FREM2: variants seen among roughly 807,000 people sequenced by gnomAD.
The protein encoded by FREM2 is FRAS1 related extracellular matrix 2.
Under a neutral mutation model 219.9 loss-of-function variants are expected in FREM2, and 119 were observed. The ratio of observed to expected loss-of-function variants is 0.54; its 90% CI spans 0.47 to 0.63. The LOEUF is 0.63. Among genes scored for constraint, FREM2 ranks in the 30% least tolerant of loss-of-function variants. FREM2 has a pLI of 0.00. For missense variants in FREM2, 4,030 were observed against 3,993.6 expected (o/e 1.01, Z -0.25); for synonymous variants, 1,562 against 1,522.8 (o/e 1.03, Z -0.60).
intron 6 of FREM2, among the ~76,000 whole-genome samples, chr13:38,820,210 G>A (rs563623400): frequency 3.9e-5 from 6 of 152,154 alleles, no homozygotes; most frequent in Non-Finnish European, 7.4e-5. Context: ...CAAATGACCC[G>A]GTGAAAATGG....
rs1476566973 is a variant in FREM2, at chr13:38,848,591, G to C, written c.6300G>C (p.Leu2100=). The change falls in exon 8 of 24, where the codon CTG becomes CTC. Residue 2100 remains leucine (L), a synonymous_variant. Transcript: ENST00000280481. ...PALEGIEKFE[L]VLRMPMNAAL... ...TGGAGGGAATTGAGAAATTTGAACT[G>C]GTGCTTCGCATGCCTATGAACGCAG... 2 of 1,613,898 alleles carry C rather than the reference G, an allele frequency of 1.2e-6. No individual in the cohort carries two copies. Among genetic ancestry groups the C allele is most frequent in the African/African-American group, 2.7e-5 (2 of 74,908 alleles).
chr13:38,759,760 GTTAT>G (rs1387911188), intron 2 of FREM2, among the ~76,000 whole-genome samples: 1 of 152,172 alleles, frequency 6.6e-6, no homozygotes, highest in Non-Finnish European at 1.5e-5. Context: ...AGTTTTTAAC[GTTAT>G]TTAACTTCAT....
At chr13:38,707,003 G>A (rs112655436) in intron 2 of FREM2, among the ~76,000 whole-genome samples, 3 of 152,110 alleles carry the variant, frequency 2.0e-5, no homozygotes, top group Non-Finnish European at 4.4e-5. Context: ...CATTTTCTAA[G>A]AGCAAAAATA....
intron 16 of FREM2, among the ~76,000 whole-genome samples, chr13:38,866,069 A>G (rs778229343): frequency 2.0e-5 from 3 of 152,152 alleles, no homozygotes; most frequent in Non-Finnish European, 4.4e-5. Flanking sequence ...CCTTCAATCC[A>G]TTACTAAATT....
chr13:38,824,167 G>C (rs1876180359), intron 6 of FREM2, among the ~76,000 whole-genome samples: 1 of 152,070 alleles, frequency 6.6e-6, no homozygotes, highest in South Asian at 2.1e-4. Context: ...ATGATTTTAT[G>C]TAGAGAAGAA....
intron 2 of FREM2, among the ~76,000 whole-genome samples, chr13:38,732,586 G>A (rs74048127): frequency 0.011 from 1,705 of 152,280 alleles, 26 homozygotes; most frequent in African/African-American, 0.039. Context: ...AAAGCCGGGG[G>A]AACTGACAAA....
chr13:38,771,607 A>G lies in FREM2; in HGVS notation c.5641+1799A>G, dbSNP rs192143181. Among the ~76,000 whole-genome samples, 310 of 152,304 alleles carry G rather than the reference A, an allele frequency of 2.0e-3. 1 individual carries two copies. The highest frequency in any genetic ancestry group is 7.2e-3 in the African/African-American group (299 of 41,580). Reference sequence around the variant, plus strand: ...ATATAATCTTTTCTTAGTGTAGGCTATACCAAATGAAACTTTGCCATAATT... The same window carrying G: ...ATATAATCTTTTCTTAGTGTAGGCTGTACCAAATGAAACTTTGCCATAATT... On this transcript the variant is annotated intron_variant, in intron 4 of 23. Transcript: ENST00000280481.
chr13:38,850,028 G>A lies in FREM2; in HGVS notation c.6380-10G>A. The A allele has an allele frequency of 2.5e-6, 4 of 1,611,504 alleles. No individual in the cohort carries two copies. The highest frequency in any genetic ancestry group is 3.4e-6 in the Non-Finnish European group (4 of 1,177,812). The stretch of plus-strand genomic sequence containing the variant: ...AAATTTCTGTTCACTTTAATCCTTT[G>A]TTTTTGCAGTGCCTAAGATGCAATT... On this transcript the variant is annotated splice_polypyrimidine_tract_variant and intron_variant, in intron 8 of 23. Transcript: ENST00000280481.
intron 2 of FREM2, among the ~76,000 whole-genome samples, chr13:38,713,836 A>G (rs891671446): frequency 7.9e-5 from 12 of 152,184 alleles, no homozygotes; most frequent in African/African-American, 2.7e-4. Context: ...GTCCCTTCCC[A>G]GATATTTGAC....
intron 4 of FREM2, among the ~76,000 whole-genome samples, chr13:38,777,353 C>A (rs539120677): frequency 6.6e-6 from 1 of 152,226 alleles, no homozygotes; most frequent in South Asian, 2.1e-4. Context: ...GTAAGTGATG[C>A]TCCCACTCCT....
At chr13:38,843,794 C>T (rs1335852257) in intron 6 of FREM2, among the ~76,000 whole-genome samples, 2 of 151,974 alleles carry the variant, frequency 1.3e-5, no homozygotes, top group African/African-American at 4.8e-5. Flanking sequence ...ATAATCATTA[C>T]TTCTTTTTAG....
At position 38,872,860 on chromosome 13, in the gene FREM2, G is replaced by C. The variant is rs768911120; in HGVS notation, c.8102G>C (p.Arg2701Pro). Residue 2701 changes from arginine to proline, a missense_variant, in exon 17 of 24, where the codon CGT (arginine) becomes CCT (proline). Transcript: ENST00000280481. ...WQHFDLKSEL[R>P]LTFVYDTAIL... ...CATTTTGACTTGAAGTCAGAGCTTC[G>C]TCTAACTTTTGTGTACGACACCGCC... 6.2e-7 allele frequency: 1 copy of C among 1,614,020 alleles called. No individual in the cohort carries two copies. The highest frequency in any genetic ancestry group is 2.2e-5 in the East Asian group (1 of 44,876).
rs139804851 is a variant in FREM2, at chr13:38,688,924, C to T, written c.1580C>T (p.Ser527Leu). 2.3e-4 allele frequency: 363 copies of T among 1,612,474 alleles called. 2 individuals carry two copies. The African/African-American group carries it at 2.6e-3, about 12-fold the overall frequency. The change falls in exon 1 of 24, where the codon TCG (serine) becomes TTG (leucine). Residue 527 changes from serine to leucine, a missense_variant. Coordinates refer to ENST00000280481, the MANE Select transcript of FREM2 (RefSeq NM_207361.6). The part of the protein sequence containing the change: ...VVYQHDDRDG[S>L]LSDNLVLRMV... ...TACCAGCATGATGACAGAGACGGCTCGCTGAGCGACAACCTGGTGCTTCGC... is the reference window on the plus strand; with the variant it reads ...TACCAGCATGATGACAGAGACGGCTTGCTGAGCGACAACCTGGTGCTTCGC...
intron 2 of FREM2, among the ~76,000 whole-genome samples, chr13:38,744,280 A>G (rs1379201606): frequency 7.9e-6 from 1 of 127,278 alleles, no homozygotes; most frequent in East Asian, 2.4e-4. Flanking sequence ...GTGGGCTCAT[A>G]GTTCTCAGCA....
At chr13:38,863,650 A>G (rs1013199961) in intron 15 of FREM2, among the ~76,000 whole-genome samples, 2 of 152,150 alleles carry the variant, frequency 1.3e-5, no homozygotes, top group African/African-American at 2.4e-5. Flanking sequence ...TCTGCATTCA[A>G]TCTGTTGCAA....
Position 38,803,110 on chromosome 13 carries a change from G to A in FREM2, c.6019+18302G>A, listed in dbSNP as rs532086850. Among the ~76,000 whole-genome samples, 202 of 152,270 alleles carry A rather than the reference G, an allele frequency of 1.3e-3. 1 individual carries two copies. Among genetic ancestry groups the A allele is most frequent in the South Asian group, 0.013 (64 of 4,828 alleles). ...GGCATGTACTAGCTGCATCTAGTCAGCCCTCTTGAACTCTGGACCTCCTTA... is the reference window on the plus strand; with the variant it reads ...GGCATGTACTAGCTGCATCTAGTCAACCCTCTTGAACTCTGGACCTCCTTA... On this transcript the variant is annotated intron_variant, in intron 6 of 23. Coordinates refer to ENST00000280481, the MANE Select transcript of FREM2 (RefSeq NM_207361.6).
intron 2 of FREM2, among the ~76,000 whole-genome samples, chr13:38,713,000 C>G (rs1198017629): frequency 6.6e-6 from 1 of 152,156 alleles, no homozygotes; most frequent in Non-Finnish European, 1.5e-5. Flanking sequence ...TCTCCTCCCC[C>G]ATCCTCTGTC....
intron 7 of FREM2, among the ~76,000 whole-genome samples, chr13:38,847,283 G>T (rs1433338066): frequency 6.7e-6 from 1 of 149,240 alleles, no homozygotes; most frequent in African/African-American, 2.6e-5. Context: ...AGCAAGCATA[G>T]AATTCAAAAT....
In FREM2 at chr13:38,859,309, A is replaced by G. The variant is rs767139265; in HGVS notation, c.7238A>G (p.Asp2413Gly). 1 of 1,614,218 alleles carries G rather than the reference A, an allele frequency of 6.2e-7. No homozygotes were observed. Among genetic ancestry groups the G allele is most frequent in the Admixed American group, 1.7e-5 (1 of 60,030 alleles). Residue 2413 changes from aspartate to glycine, a missense_variant, in exon 14 of 24, where the codon GAC becomes GGC. Around this residue, in one of 2 missense-constraint regions of FREM2, gnomAD observed 928 missense variants for 1,042.9 expected, o/e 0.89. Coordinates refer to ENST00000280481, the MANE Select transcript of FREM2 (RefSeq NM_207361.6). ...CITACNPKYS[D>G]YDKTGSICAS... ...TAGGCTTGCAACCCCAAATATTCAGACTACGATAAAACAGGCTCTATCTGT... is the reference window on the plus strand; with the variant it reads ...TAGGCTTGCAACCCCAAATATTCAGGCTACGATAAAACAGGCTCTATCTGT...
Sources: allele counts gnomAD v4.1 joint callset (sites outside exome capture counted in the v4.1 genomes callset), GRCh38; gene constraint gnomAD v4.1.1; regional missense constraint gnomAD v4.1.1; transcripts MANE v1.5; gene names NCBI Gene and HGNC (gene_info 2026-07-23, HGNC 2026-07-21).